CGNL1: variants seen among roughly 807,000 people sequenced by gnomAD.
The protein encoded by CGNL1 is cingulin-like protein 1.
CGNL1 carries 132 observed loss-of-function variants against 141.2 expected under a neutral mutation model. That is an observed-to-expected ratio of 0.93 (90% CI 0.81 to 1.08). The LOEUF is 1.08. CGNL1 is among the 50% of genes least tolerant of loss of function. The pLI, the probability that CGNL1 is intolerant of heterozygous loss-of-function variation, is 0.00. For synonymous variants in CGNL1, 690 were observed against 622.1 expected (o/e 1.11, Z -1.63); for missense variants, 1,870 against 1,588.6 (o/e 1.18, Z -3.01).
intron 8 of CGNL1, among the ~76,000 whole-genome samples, chr15:57,494,045 G>A (rs762424238): frequency 6.6e-6 from 1 of 152,206 alleles, no homozygotes; most frequent in Non-Finnish European, 1.5e-5. Context: ...GACAATAAGT[G>A]CTAAGAGAGA....
chr15:57,378,214 T>C (rs1399979936), intron 1 of CGNL1, among the ~76,000 whole-genome samples: 1 of 152,178 alleles, frequency 6.6e-6, no homozygotes, highest in Non-Finnish European at 1.5e-5. Context: ...TTCACTGCCC[T>C]TTTTAGTAAT....
intron 1 of CGNL1, among the ~76,000 whole-genome samples, chr15:57,385,308 C>T (rs539824091): frequency 2.0e-5 from 3 of 152,278 alleles, no homozygotes; most frequent in African/African-American, 4.8e-5. Flanking sequence ...CTGAGGCAGG[C>T]CGATCAGTTG....
intron 8 of CGNL1, among the ~76,000 whole-genome samples, chr15:57,473,865 G>C (rs1379572240): frequency 1.4e-5 from 2 of 141,580 alleles, no homozygotes; most frequent in African/African-American, 5.2e-5. Context: ...AGAACTGCCT[G>C]ATTGAGTCAC....
At chr15:57,481,064 GTTTTTT>G (rs11298152) in intron 8 of CGNL1, among the ~76,000 whole-genome samples, 3 of 116,092 alleles carry the variant, frequency 2.6e-5, no homozygotes, top group Admixed American at 9.6e-5. Context: ...AAGACCTGGG[GTTTTTT>G]TTTTTTTTTT....
intron 1 of CGNL1, among the ~76,000 whole-genome samples, chr15:57,386,303 A>G (rs2062482356): frequency 6.6e-6 from 1 of 152,136 alleles, no homozygotes; most frequent in Non-Finnish European, 1.5e-5. Flanking sequence ...AAGGGCAGAT[A>G]GGTAATTGTG....
intron 8 of CGNL1, among the ~76,000 whole-genome samples, chr15:57,469,659 G>A (rs1156409580): frequency 6.6e-6 from 1 of 151,888 alleles, no homozygotes; most frequent in African/African-American, 2.4e-5. Context: ...ATTTTATATT[G>A]TCTAACCCTT....
chr15:57,399,991 C>T (rs2062641606), intron 1 of CGNL1, among the ~76,000 whole-genome samples: 1 of 120,370 alleles, frequency 8.3e-6, no homozygotes, highest in Non-Finnish European at 1.7e-5. Context: ...TGCTGTATTT[C>T]TAATACCTTT....
intron 1 of CGNL1, among the ~76,000 whole-genome samples, chr15:57,426,815 T>A (rs557446864): frequency 3.7e-4 from 56 of 152,182 alleles, no homozygotes; most frequent in African/African-American, 7.5e-4. Context: ...CCTCACACAT[T>A]TCCTTTGAGT....
intron 11 of CGNL1, among the ~76,000 whole-genome samples, chr15:57,523,949 G>T (rs1315810787): frequency 6.6e-6 from 1 of 152,188 alleles, no homozygotes; most frequent in Non-Finnish European, 1.5e-5. Flanking sequence ...ACATCTCTGT[G>T]CAGAGTCTCT....
intron 1 of CGNL1, among the ~76,000 whole-genome samples, chr15:57,403,743 G>T (rs1429358691): frequency 3.3e-5 from 5 of 152,264 alleles, no homozygotes; most frequent in African/African-American, 1.2e-4. Context: ...AGATGGAGGT[G>T]ACGTTGTGCA....
At chr15:57,506,507 C>T (rs2064105036) in intron 8 of CGNL1, among the ~76,000 whole-genome samples, 1 of 152,176 alleles carries the variant, frequency 6.6e-6, no homozygotes, top group South Asian at 2.1e-4. Context: ...AGGCCTAAGG[C>T]TGTGTTTCAT....
At chr15:57,395,192 G>T (rs573340080) in intron 1 of CGNL1, among the ~76,000 whole-genome samples, 1 of 152,330 alleles carries the variant, frequency 6.6e-6, no homozygotes, top group Non-Finnish European at 1.5e-5. Flanking sequence ...TTAAAAGATA[G>T]TAAATTTAGC....
chr15:57,476,665 A>T (rs1274460104), intron 8 of CGNL1, among the ~76,000 whole-genome samples: 1 of 152,198 alleles, frequency 6.6e-6, no homozygotes, highest in East Asian at 1.9e-4. Context: ...AATTCTGGAA[A>T]TGTGGGCCAG....
chr15:57,471,078 A>C (rs1481244084), intron 8 of CGNL1, among the ~76,000 whole-genome samples: 1 of 152,204 alleles, frequency 6.6e-6, no homozygotes, highest in African/African-American at 2.4e-5. Flanking sequence ...ACAAAGAAAA[A>C]ATATTGATTT....
intron 8 of CGNL1, among the ~76,000 whole-genome samples, chr15:57,485,341 T>C (rs936486688): frequency 1.4e-4 from 22 of 152,208 alleles, no homozygotes; most frequent in Non-Finnish European, 2.4e-4. Context: ...TTGGTATATA[T>C]TCTTGAAAAG....
chr15:57,446,449 T>A (rs1420134866), intron 4 of CGNL1, among the ~76,000 whole-genome samples: 3 of 152,160 alleles, frequency 2.0e-5, no homozygotes, highest in Admixed American at 6.5e-5. Context: ...GAATTTTACA[T>A]ACATAAAATT....
chr15:57,412,328 A>G (rs1464323767), intron 1 of CGNL1, among the ~76,000 whole-genome samples: 1 of 152,202 alleles, frequency 6.6e-6, no homozygotes, highest in Non-Finnish European at 1.5e-5. Context: ...ACGCTCAGAT[A>G]AGATCTGGAG....
At chr15:57,395,276 T>C (rs1260650661) in intron 1 of CGNL1, among the ~76,000 whole-genome samples, 1 of 152,030 alleles carries the variant, frequency 6.6e-6, no homozygotes, top group Non-Finnish European at 1.5e-5. Flanking sequence ...GATGAGTTCC[T>C]TCAGTTCCCA....
chr15:57,428,387 A>T (rs1391384677), intron 1 of CGNL1, among the ~76,000 whole-genome samples: 6 of 152,260 alleles, frequency 3.9e-5, no homozygotes, highest in African/African-American at 1.4e-4. Context: ...CAGAGTTTAC[A>T]CATCTCTAAA....
Sources: gnomAD v4.1 joint callset for allele counts (sites outside exome capture counted in the v4.1 genomes callset) on GRCh38, gnomAD v4.1.1 for gene constraint, MANE v1.5 for transcripts, NCBI Gene and HGNC (gene_info 2026-07-23, HGNC 2026-07-21) for gene names.